The following DNAI1 variants were observed in gnomAD, a reference collection of about 807,000 sequenced individuals.
DNAI1 encodes the protein dynein, axonemal, intermediate polypeptide 1.
In DNAI1, 67 loss-of-function variants were observed where a neutral mutation model predicts 92.0. That is an observed-to-expected ratio of 0.73 (90% CI 0.60 to 0.89). The LOEUF is 0.89. Among genes scored for constraint, DNAI1 ranks in the 40% least tolerant of loss-of-function variants. The pLI is 0.00. For synonymous variants in DNAI1, 323 were observed against 319.6 expected (o/e 1.01, Z -0.11); for missense variants, 839 against 866.6 (o/e 0.97, Z 0.40).
In DNAI1 at chr9:34,480,728, G is replaced by A. The variant is rs896992707; in HGVS notation, c.49-2720G>A. ...GGAGGCTGAAGCGGGTGGATCACCTGAGGTCAGGAGTTTGAGACCAGCCTG... is the reference window on the plus strand; with the variant it reads ...GGAGGCTGAAGCGGGTGGATCACCTAAGGTCAGGAGTTTGAGACCAGCCTG... On this transcript the variant is annotated intron_variant, in intron 1 of 19. Coordinates refer to ENST00000242317, the MANE Select transcript of DNAI1 (RefSeq NM_012144.4). Among the ~76,000 whole-genome samples the A allele has an allele frequency of 9.2e-5, 14 of 152,224 alleles. No individual in the cohort carries two copies. The East Asian group carries it at 2.7e-3, about 30-fold the overall frequency.
chr9:34,508,763 A>G (rs1404898484), intron 13 of DNAI1, among the ~76,000 whole-genome samples: 2 of 152,190 alleles, frequency 1.3e-5, no homozygotes, highest in Non-Finnish European at 2.9e-5. Context: ...GTTGAGAAGA[A>G]ACATTATTGC....
chr9:34,495,615 C>T (rs552113167), intron 9 of DNAI1, among the ~76,000 whole-genome samples: 3 of 152,264 alleles, frequency 2.0e-5, no homozygotes, highest in South Asian at 4.1e-4. Flanking sequence ...AGGAGTCACC[C>T]GAGGAAGTGC....
At chr9:34,468,061 C>T (rs1824069672) in intron 1 of DNAI1, among the ~76,000 whole-genome samples, 3 of 151,864 alleles carry the variant, frequency 2.0e-5, no homozygotes, top group African/African-American at 4.8e-5. Context: ...AGAATCTAAG[C>T]AGAAAAATGG....
chr9:34,485,653 G>C (rs901766898), intron 4 of DNAI1, 136 bp downstream of exon 4: 2 of 834,424 alleles, frequency 2.4e-6, no homozygotes, highest in Non-Finnish European at 2.0e-6. Flanking sequence ...AGAATCCTCA[G>C]ATTTCATATG....
intron 1 of DNAI1, among the ~76,000 whole-genome samples, chr9:34,482,901 C>G (rs1407508697): frequency 1.3e-5 from 2 of 152,236 alleles, no homozygotes; most frequent in South Asian, 4.1e-4. Flanking sequence ...GGTCCCGAGC[C>G]CTGCCCCGTG....
chr9:34,507,441 A>G (rs570806121), intron 13 of DNAI1, among the ~76,000 whole-genome samples: 1 of 152,370 alleles, frequency 6.6e-6, no homozygotes, highest in East Asian at 1.9e-4. Flanking sequence ...CATAAGGAAG[A>G]AAAAATATAT....
intron 4 of DNAI1, chr9:34,487,805 G>A (rs762188083): frequency 2.5e-5 from 4 of 157,060 alleles, no homozygotes; most frequent in Non-Finnish European, 5.7e-5. Context: ...CCCGTGACTG[G>A]TGGCATCTTC....
chr9:34,483,239 G>T (rs1397149168), intron 1 of DNAI1, among the ~76,000 whole-genome samples: 1 of 152,226 alleles, frequency 6.6e-6, no homozygotes. Flanking sequence ...GTGCAGTGGG[G>T]GGCTGAAGGG....
At chr9:34,508,628 C>T (rs62559903) in intron 13 of DNAI1, among the ~76,000 whole-genome samples, 1 of 152,152 alleles carries the variant, frequency 6.6e-6, no homozygotes. Context: ...CGCAGAGCAT[C>T]TCTGGTTGGC....
At chr9:34,506,465 C>A (rs1355481085) in intron 12 of DNAI1, among the ~76,000 whole-genome samples, 162 bp from the exon 13 acceptor site, 1 of 152,148 alleles carries the variant, frequency 6.6e-6, no homozygotes, top group Non-Finnish European at 1.5e-5. Context: ...TCTCATAATT[C>A]CACTTCACAG....
chr9:34,512,120 G>C lies in DNAI1; in HGVS notation c.1323G>C (p.Gln441His), dbSNP rs1483262225. 1 of 1,614,194 alleles carries C rather than the reference G, an allele frequency of 6.2e-7. No homozygotes were observed. The highest frequency in any genetic ancestry group is 1.7e-5 in the Admixed American group (1 of 60,022). Residue 441 changes from glutamine to histidine, a missense_variant, in exon 14 of 20, where the codon CAG (glutamine) becomes CAC (histidine). Coordinates refer to ENST00000242317, the MANE Select transcript of DNAI1 (RefSeq NM_012144.4). ...TTGGGATGTTTCAGGTCAAGTGGCA[G>C]AAGGATGACATGGACCAAAACCTTA... is the stretch of plus-strand genomic sequence containing the variant. ...HSDPVWQVKW[Q>H]KDDMDQNLNF...
At position 34,514,457 on chromosome 9, in the gene DNAI1, A is replaced by T; in HGVS notation, c.1633A>T (p.Thr545Ser). The change falls in exon 17 of 20, where the codon ACT becomes TCT. Residue 545 changes from threonine (T) to serine (S), a missense_variant. Coordinates refer to ENST00000242317, the MANE Select transcript of DNAI1 (RefSeq NM_012144.4). Reference sequence around the variant, plus strand: ...TGACGCCCACAACATGTCAGTGGACACTGTGTCCTGGAACCCATACCACAC... The same window carrying T: ...TGACGCCCACAACATGTCAGTGGACTCTGTGTCCTGGAACCCATACCACAC... ...TYDAHNMSVD[T>S]VSWNPYHTKV... is the part of the protein sequence containing the mutation. 2 of 1,614,204 alleles carry T rather than the reference A, an allele frequency of 1.2e-6. No homozygotes were observed. Among genetic ancestry groups the T allele is most frequent in the South Asian group, 2.2e-5 (2 of 91,084 alleles).
At chr9:34,490,824 A>C (rs1824576044) in intron 7 of DNAI1, among the ~76,000 whole-genome samples, 1 of 152,236 alleles carries the variant, frequency 6.6e-6, no homozygotes, top group Non-Finnish European at 1.5e-5. Context: ...CCTAGGAGCC[A>C]GTTCAACTGA....
rs2132065290 is a variant in DNAI1, at chr9:34,493,199, GAT to G, written c.688_689del (p.Ile230LeufsTer2). 1.2e-6 allele frequency: 2 copies of G among 1,614,208 alleles called. No individual in the cohort carries two copies. The highest frequency in any genetic ancestry group is 4.5e-5 in the East Asian group (2 of 44,890). ...NFSATANQWE[I>X]YDAYVEELEK... ...CTTATCTCACCCTTGCCTAGTGGGAGATCTATGATGCCTATGTAGAGGAACTT... is the reference window on the plus strand; with the variant it reads ...CTTATCTCACCCTTGCCTAGTGGGAGCTATGATGCCTATGTAGAGGAACTT... On this transcript the variant is annotated frameshift_variant, in exon 9 of 20. Transcript: ENST00000242317. LOFTEE classifies it high-confidence loss of function.
intron 15 of DNAI1, 22 bp downstream of exon 15, chr9:34,512,446 C>T (rs764885654): frequency 1.9e-6 from 3 of 1,610,922 alleles, no homozygotes; most frequent in South Asian, 2.2e-5. Context: ...AGCCCTCTCA[C>T]CTCCAGGCCT....
intron 7 of DNAI1, 53 bp downstream of exon 7, chr9:34,490,541 GGAA>G (rs1159955745): frequency 6.2e-7 from 1 of 1,612,094 alleles, no homozygotes; most frequent in African/African-American, 1.3e-5. Flanking sequence ...TGCCTGGCAG[GGAA>G]GAAGCAGGCC....
Position 34,491,547 on chromosome 9 carries a change from C to A in DNAI1, c.674C>A (p.Ala225Asp), listed in dbSNP as rs377019105. Residue 225 changes from alanine (A) to aspartate (D), a missense_variant, in exon 8 of 20, where the codon GCC becomes GAC. By Grantham distance (126) the Ala-to-Asp change is moderately radical (BLOSUM62 -2). Transcript: ENST00000242317. ...PPPRTNFSAT[A>D]NQWEIYDAYV... ...CCCAGGACAAACTTTTCAGCCACAGCCAATCAGGTAAGACCCTGGGCCAGC... is the reference window on the plus strand; with the variant it reads ...CCCAGGACAAACTTTTCAGCCACAGACAATCAGGTAAGACCCTGGGCCAGC... The A allele has an allele frequency of 4.3e-6, 7 of 1,614,080 alleles. No homozygotes were observed. Among genetic ancestry groups the A allele is most frequent in the African/African-American group, 1.3e-5 (1 of 74,930 alleles).
intron 1 of DNAI1, among the ~76,000 whole-genome samples, chr9:34,465,327 T>C (rs78548770): frequency 0.012 from 1,787 of 152,270 alleles, 27 homozygotes; most frequent in Middle Eastern, 0.037. Flanking sequence ...GAGATGATGT[T>C]GTGGACAGGA....
chr9:34,477,251 G>A (rs936380957), intron 1 of DNAI1, among the ~76,000 whole-genome samples: 1 of 152,052 alleles, frequency 6.6e-6, no homozygotes, highest in Admixed American at 6.6e-5. Context: ...ACTCTTGGAG[G>A]CTTTAAATCA....
Sources: gnomAD v4.1 joint callset for allele counts (sites outside exome capture counted in the v4.1 genomes callset) on GRCh38, gnomAD v4.1.1 for gene constraint, MANE v1.5 for transcripts, NCBI Gene and HGNC (gene_info 2026-07-23, HGNC 2026-07-21) for gene names.